Variants in PCDHGB4 observed in about 807,000 individuals in gnomAD.
PCDHGB4 encodes protocadherin gamma-B4.
In PCDHGB4, 38 loss-of-function variants were observed where a neutral mutation model predicts 60.5. The ratio of observed to expected loss-of-function variants is 0.63; its 90% CI spans 0.48 to 0.82. PCDHGB4 has a LOEUF of 0.82. PCDHGB4 is among the 40% of genes least tolerant of loss of function. The probability of loss-of-function intolerance (pLI) is 0.00; values close to 1 mark genes in which losing one functional copy is unlikely to be tolerated. For missense variants in PCDHGB4, 1,109 were observed against 1,209.6 expected (o/e 0.92, Z 1.23); for synonymous variants, 456 against 509.7 (o/e 0.89, Z 1.42).
intron 1 of PCDHGB4, chr5:141,393,026 G>A (rs1215893899): frequency 1.2e-6 from 2 of 1,613,832 alleles, no homozygotes; most frequent in East Asian, 4.5e-5. Context: ...CCAGAGGTAG[G>A]ACGCAGCTCT....
intron 1 of PCDHGB4, among the ~76,000 whole-genome samples, chr5:141,406,747 CA>C (rs889749071): frequency 1.2e-4 from 19 of 152,168 alleles, no homozygotes; most frequent in Non-Finnish European, 2.1e-4. Flanking sequence ...TGTGAAATGA[CA>C]AAACAAGGAA....
intron 1 of PCDHGB4, chr5:141,422,676 A>G (rs1245488589): frequency 1.2e-6 from 2 of 1,606,500 alleles, no homozygotes; most frequent in East Asian, 4.5e-5. Flanking sequence ...CGGACAGCAA[A>G]CAGAATGCCC....
At chr5:141,483,258 T>G (rs2099579023) in intron 1 of PCDHGB4, among the ~76,000 whole-genome samples, 1 of 137,930 alleles carries the variant, frequency 7.3e-6, no homozygotes, top group South Asian at 2.1e-4. Flanking sequence ...TCATGAGGTT[T>G]TTTTGTTTTA....
In PCDHGB4 at chr5:141,388,486, A is replaced by G; in HGVS notation, c.602A>G (p.Asp201Gly). The G allele has an allele frequency of 6.2e-7, 1 of 1,613,858 alleles. No homozygotes were observed. The highest frequency in any genetic ancestry group is 8.5e-7 in the Non-Finnish European group (1 of 1,179,906). Residue 201 changes from aspartate (D) to glycine (G), a missense_variant, in exon 1 of 4, where the codon GAC (aspartate) becomes GGC (glycine). By Grantham distance (94) the Asp-to-Gly change is moderately conservative. Coordinates refer to ENST00000519479, the MANE Select transcript of PCDHGB4 (RefSeq NM_003736.4). ...GAGATGGTATTGAAGACACCTTTGG[A>G]CAGAGAAAAGCAGAAATCCTACCAC... Reference protein sequence around the residue: ...YPEMVLKTPLDREKQKSYHLT... With the variant: ...YPEMVLKTPLGREKQKSYHLT...
intron 1 of PCDHGB4, chr5:141,399,279 C>G (rs370090713): frequency 1.2e-6 from 2 of 1,613,694 alleles, no homozygotes; most frequent in Non-Finnish European, 1.7e-6. Flanking sequence ...AATTACAAGG[C>G]GAAGTCCCTT....
chr5:141,490,618 A>G lies in PCDHGB4; in HGVS notation c.2398-4189A>G, dbSNP rs1463273520. On this transcript the variant is annotated intron_variant, in intron 1 of 3. Transcript: ENST00000519479. The surrounding 1 kb of genome is among the most constrained non-coding windows in gnomAD (Gnocchi z 5.4). ...ACCCCGCTTCAACCAGCAGCTTTAC[A>G]CTGCTTACATCCTAGAAAACCGGCC... 4.3e-6 allele frequency: 7 copies of G among 1,613,986 alleles called. No homozygotes were observed. Among genetic ancestry groups the G allele is most frequent in the Admixed American group, 1.7e-5 (1 of 59,996 alleles).
chr5:141,397,424 T>A (rs975746097), intron 1 of PCDHGB4, among the ~76,000 whole-genome samples: 4 of 152,324 alleles, frequency 2.6e-5, no homozygotes, highest in African/African-American at 9.6e-5. Flanking sequence ...ATAGTATAGA[T>A]TTCCCTAATA....
intron 1 of PCDHGB4, among the ~76,000 whole-genome samples, chr5:141,439,449 G>A (rs761506247): frequency 4.6e-5 from 7 of 152,184 alleles, no homozygotes; most frequent in Admixed American, 3.9e-4. Context: ...TATTGCGGGA[G>A]CAAGACTGCA....
In PCDHGB4 at chr5:141,485,068, T is replaced by C; in HGVS notation, c.2398-9739T>C. On this transcript the variant is annotated intron_variant, in intron 1 of 3. Transcript: ENST00000519479. The surrounding 1 kb of genome is among the most constrained non-coding windows in gnomAD (Gnocchi z 5.7). ...GGCGCCGGCCGAACCGCGCCAGAGCTGGCGCGGGGAAAGGGAGATAGGTGT... is the reference window on the plus strand; with the variant it reads ...GGCGCCGGCCGAACCGCGCCAGAGCCGGCGCGGGGAAAGGGAGATAGGTGT... 1 of 896,972 alleles carries C rather than the reference T, an allele frequency of 1.1e-6. No homozygotes were observed. The highest frequency in any genetic ancestry group is 1.6e-5 in the South Asian group (1 of 61,812). The allele number at this position is 896,972 out of a possible 1,614,324, so 55.6% of individuals were successfully genotyped here. A position where few individuals can be genotyped will look rare whatever the true frequency, so the allele number is the denominator to read the frequency against.
chr5:141,422,703 G>A (rs1473348513), intron 1 of PCDHGB4: 1 of 1,603,132 alleles, frequency 6.2e-7, no homozygotes, highest in Admixed American at 1.7e-5. Context: ...CTTACTCTCT[G>A]ACGGATGACA....
intron 1 of PCDHGB4, among the ~76,000 whole-genome samples, chr5:141,450,166 T>TCCCACCACACC (rs1046248061): frequency 2.0e-5 from 3 of 151,062 alleles, no homozygotes; most frequent in African/African-American, 7.3e-5. Flanking sequence ...GCCACCACAC[T>TCCCACCACACC]CCCACCACAC....
chr5:141,503,075 G>A (rs1373753092), intron 2 of PCDHGB4, among the ~76,000 whole-genome samples: 1 of 151,438 alleles, frequency 6.6e-6, no homozygotes, highest in African/African-American at 2.4e-5. Context: ...GAATGGTCTC[G>A]ATCTCCTGAC....
intron 1 of PCDHGB4, chr5:141,420,119 T>C: frequency 6.2e-7 from 1 of 1,614,044 alleles, no homozygotes; most frequent in Non-Finnish European, 8.5e-7. Context: ...TGCCTATAAT[T>C]TTTGTGTGCC....
Position 141,490,447 on chromosome 5 carries a change from C to A in PCDHGB4, c.2398-4360C>A, listed in dbSNP as rs1273424450. 1.2e-6 allele frequency: 2 copies of A among 1,614,196 alleles called. No homozygotes were observed. The highest frequency in any genetic ancestry group is 1.7e-5 in the Admixed American group (1 of 60,030). Reference sequence around the variant, plus strand: ...ATTTCAGATTAAGCCTTCTGAGAACCACTACTCGCTGCTAACCAGCCAGCC... The same window carrying A: ...ATTTCAGATTAAGCCTTCTGAGAACAACTACTCGCTGCTAACCAGCCAGCC... On this transcript the variant is annotated intron_variant, in intron 1 of 3. Coordinates refer to ENST00000519479, the MANE Select transcript of PCDHGB4 (RefSeq NM_003736.4). This position sits in a 1 kb window ranked among gnomAD's most constrained non-coding sequence, Gnocchi z 5.4.
In PCDHGB4 at chr5:141,491,707, G is replaced by A. The variant is rs1337506934; in HGVS notation, c.2398-3100G>A. ...GCTGCGGGAGCGGAGCCAGGTGAGG[G>A]GCTCGGCGCCGCCCCGGGCGACCCC... On this transcript the variant is annotated intron_variant, in intron 1 of 3. Transcript: ENST00000519479. The surrounding 1 kb of genome is among the most constrained non-coding windows in gnomAD (Gnocchi z 6.9). The A allele has an allele frequency of 6.2e-6, 10 of 1,610,604 alleles. No homozygotes were observed. Among genetic ancestry groups the A allele is most frequent in the Admixed American group, 1.7e-5 (1 of 59,554 alleles).
chr5:141,389,755 T>G lies in PCDHGB4; in HGVS notation c.1871T>G (p.Val624Gly). 1.2e-6 allele frequency: 2 copies of G among 1,612,872 alleles called. No individual in the cohort carries two copies. The highest frequency in any genetic ancestry group is 1.7e-6 in the Non-Finnish European group (2 of 1,179,694). ...AGCCTGGGGCTGCGCACGGGCGAAGTGCGCACAGCGCGTGCCTTAGGCGAC... is the reference window on the plus strand; with the variant it reads ...AGCCTGGGGCTGCGCACGGGCGAAGGGCGCACAGCGCGTGCCTTAGGCGAC... ...LFSLGLRTGEVRTARALGDRD... is the reference protein window; with the variant it reads ...LFSLGLRTGEGRTARALGDRD... The change falls in exon 1 of 4, where the codon GTG (valine) becomes GGG (glycine). Residue 624 changes from valine to glycine, a missense_variant. Transcript: ENST00000519479.
chr5:141,477,042 G>A lies in PCDHGB4; in HGVS notation c.2398-17765G>A. ...ACCGGGATGCTGACAATCAAGGGTC[G>A]GCTGGACTTCGAGGACACCAAACTC... On this transcript the variant is annotated intron_variant, in intron 1 of 3. Transcript: ENST00000519479. This position sits in a 1 kb window ranked among gnomAD's most constrained non-coding sequence, Gnocchi z 4.9. 1 of 1,614,238 alleles carries A rather than the reference G, an allele frequency of 6.2e-7. No homozygotes were observed. Among genetic ancestry groups the A allele is most frequent in the Non-Finnish European group, 8.5e-7 (1 of 1,180,040 alleles).
At position 141,490,456 on chromosome 5, in the gene PCDHGB4, C is replaced by G. The variant is rs370141879; in HGVS notation, c.2398-4351C>G. On this transcript the variant is annotated intron_variant, in intron 1 of 3. Transcript: ENST00000519479. The surrounding 1 kb of genome is among the most constrained non-coding windows in gnomAD (Gnocchi z 5.4). The stretch of plus-strand genomic sequence containing the variant: ...TAAGCCTTCTGAGAACCACTACTCG[C>G]TGCTAACCAGCCAGCCTTTGGACCG... 3.7e-6 allele frequency: 6 copies of G among 1,614,114 alleles called. No individual in the cohort carries two copies. Among genetic ancestry groups the G allele is most frequent in the Non-Finnish European group, 5.1e-6 (6 of 1,180,058 alleles).
intron 2 of PCDHGB4, among the ~76,000 whole-genome samples, chr5:141,496,353 C>T (rs761547879): frequency 4.6e-5 from 7 of 152,210 alleles, no homozygotes; most frequent in Non-Finnish European, 8.8e-5. Context: ...AGTCTCAGAG[C>T]CCAGGGAGAG....
Sources: allele counts gnomAD v4.1 joint callset (sites outside exome capture counted in the v4.1 genomes callset), GRCh38; gene constraint gnomAD v4.1.1; non-coding constraint Gnocchi (gnomAD v3.1); transcripts MANE v1.5; gene names NCBI Gene and HGNC (gene_info 2026-07-23, HGNC 2026-07-21).